LEPROTL1: variants seen among roughly 807,000 people sequenced by gnomAD.
LEPROTL1 encodes leptin receptor overlapping transcript-like 1.
A neutral mutation model predicts 15.4 loss-of-function variants in LEPROTL1; 6 were observed. The ratio of observed to expected loss-of-function variants is 0.39; its 90% CI spans 0.21 to 0.77. LEPROTL1 has a LOEUF of 0.77. Ranked by LOEUF, LEPROTL1 falls within the 30% of genes least tolerant of loss-of-function variation. The probability of loss-of-function intolerance (pLI) is 0.41; values close to 1 mark genes in which losing one functional copy is unlikely to be tolerated. For missense variants in LEPROTL1, 128 were observed against 158.1 expected, an observed-to-expected ratio of 0.81 and a Z score of 1.02; for synonymous variants, 56 against 52.6, an observed-to-expected ratio of 1.06 and a Z score of -0.28.
intron 3 of LEPROTL1, among the ~76,000 whole-genome samples, chr8:30,122,609 G>A (rs1452748129): frequency 6.6e-6 from 1 of 152,154 alleles, no homozygotes; most frequent in African/African-American, 2.4e-5. Flanking sequence ...TGGCCAACAT[G>A]GTGAAACTCC....
chr8:30,122,856 T>G (rs2117516311), intron 3 of LEPROTL1, among the ~76,000 whole-genome samples: 1 of 152,254 alleles, frequency 6.6e-6, no homozygotes, highest in Middle Eastern at 3.4e-3. Flanking sequence ...TTGGGGAGAA[T>G]GAATCTTAAC....
At chr8:30,127,061 A>G (rs1157448284) in intron 3 of LEPROTL1, among the ~76,000 whole-genome samples, 1 of 152,108 alleles carries the variant, frequency 6.6e-6, no homozygotes, top group East Asian at 1.9e-4. Flanking sequence ...AGAAAATACA[A>G]AATAATATGC....
Position 30,106,186 on chromosome 8 carries a change from T to G in LEPROTL1, c.*324T>G. On this transcript the variant is annotated 3_prime_UTR_variant, in exon 4 of 4. Coordinates refer to ENST00000321250, the MANE Select transcript of LEPROTL1 (RefSeq NM_015344.3). The stretch of plus-strand genomic sequence containing the variant: ...GGAATCAATATGCAATGTTAAACAC[T>G]TTTTTAATGTAATCATTTGCATTGG... The G allele has an allele frequency of 1.0e-6, 1 of 988,730 alleles. No individual in the cohort carries two copies. Among genetic ancestry groups the G allele is most frequent in the Non-Finnish European group, 1.2e-6 (1 of 831,778 alleles). 61.2% of individuals were successfully genotyped at this position (988,730 alleles called of 1,614,324 possible).
intron 3 of LEPROTL1, chr8:30,117,812 G>A (rs1802765853): frequency 1.5e-6 from 1 of 683,756 alleles, no homozygotes; most frequent in South Asian, 1.7e-5. Flanking sequence ...AGGAGGAGCA[G>A]TGAGACCCTG....
rs1203442951 is a variant in LEPROTL1, at chr8:30,104,773, C to T, written c.279+287C>T. 3.2e-5 allele frequency: 6 copies of T among 189,760 alleles called. No homozygotes were observed. The South Asian group carries it at 4.1e-4, about 13-fold the overall frequency. The allele number at this position is 189,760 out of a possible 1,614,324, so 11.8% of individuals were successfully genotyped here. A position where few individuals can be genotyped will look rare whatever the true frequency, so the allele number is the denominator to read the frequency against. On this transcript the variant is annotated intron_variant, in intron 3 of 3. Transcript: ENST00000321250. Reference sequence around the variant, plus strand: ...TGTCGCCCAGCCTGGAGTGCAGTGGCGTGATCTCACCTCACTGCAAGCTCT... The same window carrying T: ...TGTCGCCCAGCCTGGAGTGCAGTGGTGTGATCTCACCTCACTGCAAGCTCT...
intron 3 of LEPROTL1, among the ~76,000 whole-genome samples, chr8:30,105,441 G>A (rs919074787): frequency 6.6e-6 from 1 of 151,502 alleles, no homozygotes. Context: ...TTTTTGAATG[G>A]TCATTTCATG....
chr8:30,137,329 ACACTGACACAG>A (rs1338600379), exon 5 of LEPROTL1: 2 of 1,551,688 alleles, frequency 1.3e-6, no homozygotes, highest in Non-Finnish European at 1.7e-6. Flanking sequence ...AGGAAGAGAA[ACACTGACACAG>A]CAGCTGCCTC....
At position 30,107,867 on chromosome 8, in the gene LEPROTL1, G is replaced by A. The variant is rs757608145; in HGVS notation, c.*2005G>A. 32 of 985,018 alleles carry A rather than the reference G, an allele frequency of 3.2e-5. No individual in the cohort carries two copies. Among genetic ancestry groups the A allele is most frequent in the Admixed American group, 6.2e-5 (1 of 16,248 alleles). 61.0% of individuals were successfully genotyped at this position (985,018 alleles called of 1,614,324 possible). A position where few individuals can be genotyped will look rare whatever the true frequency, so the allele number is the denominator to read the frequency against. ...GCCACAGACTTTTTCTAACAGCTGC[G>A]TATTATTTCTATATACTAACTGCAT... On this transcript the variant is annotated 3_prime_UTR_variant, in exon 4 of 4. Coordinates refer to ENST00000321250, the MANE Select transcript of LEPROTL1 (RefSeq NM_015344.3).
In LEPROTL1 at chr8:30,105,891, G is replaced by A. The variant is rs367920230; in HGVS notation, c.*29G>A. 27 of 1,469,766 alleles carry A rather than the reference G, an allele frequency of 1.8e-5. No individual in the cohort carries two copies. Among genetic ancestry groups the A allele is most frequent in the Middle Eastern group, 1.8e-4 (1 of 5,470 alleles). 91.0% of individuals were successfully genotyped at this position (1,469,766 alleles called of 1,614,324 possible). On this transcript the variant is annotated 3_prime_UTR_variant, in exon 4 of 4. Coordinates refer to ENST00000321250, the MANE Select transcript of LEPROTL1 (RefSeq NM_015344.3). ...GAAATTACTGAACTATTGTCAAATG[G>A]ACTTCCTGTCATTTGTTGGCCATTC...
chr8:30,095,689 G>A (rs1384803158), intron 1 of LEPROTL1, 161 bp downstream of exon 1: 2 of 730,384 alleles, frequency 2.7e-6, no homozygotes, highest in Non-Finnish European at 4.5e-6. Flanking sequence ...TTGGCCCGGA[G>A]GTGGGCGCGG....
At chr8:30,124,450 G>T (rs1051941633) in intron 3 of LEPROTL1, among the ~76,000 whole-genome samples, 1 of 152,020 alleles carries the variant, frequency 6.6e-6, no homozygotes, top group African/African-American at 2.4e-5. Context: ...CTCTAACTCA[G>T]ATTATTTTAA....
rs762210637 is a variant in LEPROTL1, at chr8:30,105,902, ATTTG to A, written c.*43_*46del. Reference sequence around the variant, plus strand: ...ACTATTGTCAAATGGACTTCCTGTCATTTGTTGGCCATTCACGCACACAGGAGAT... The same window carrying A: ...ACTATTGTCAAATGGACTTCCTGTCATTGGCCATTCACGCACACAGGAGAT... On this transcript the variant is annotated 3_prime_UTR_variant, in exon 4 of 4. Transcript: ENST00000321250. 2.8e-5 allele frequency: 40 copies of A among 1,452,868 alleles called. No individual in the cohort carries two copies. The African/African-American group carries it at 5.3e-4, about 19-fold the overall frequency. The allele number at this position is 1,452,868 out of a possible 1,614,324, so 90.0% of individuals were successfully genotyped here.
At chr8:30,131,278 GTA>G (rs376348977) in intron 3 of LEPROTL1, among the ~76,000 whole-genome samples, 20 of 95,042 alleles carry the variant, frequency 2.1e-4, no homozygotes, top group East Asian at 8.6e-4. Context: ...ATATGTGTGT[GTA>G]TATATATATA....
chr8:30,106,780 A>T lies in LEPROTL1; in HGVS notation c.*918A>T, dbSNP rs2117489110. ...CATGGAACCACTACTGATGAGGGAC[A>T]GTTGTATGTTTGCATCATATATGCC... On this transcript the variant is annotated 3_prime_UTR_variant, in exon 4 of 4. Coordinates refer to ENST00000321250, the MANE Select transcript of LEPROTL1 (RefSeq NM_015344.3). 1.0e-6 allele frequency: 1 copy of T among 984,446 alleles called. No individual in the cohort carries two copies. Among genetic ancestry groups the T allele is most frequent in the South Asian group, 4.7e-5 (1 of 21,260 alleles). The allele number at this position is 984,446 out of a possible 1,614,324, so 61.0% of individuals were successfully genotyped here. A position where few individuals can be genotyped will look rare whatever the true frequency, so the allele number is the denominator to read the frequency against.
At chr8:30,119,886 T>C (rs1020075361) in intron 3 of LEPROTL1, among the ~76,000 whole-genome samples, 1 of 152,126 alleles carries the variant, frequency 6.6e-6, no homozygotes, top group Non-Finnish European at 1.5e-5. Context: ...CTGGCCAACA[T>C]GGCAAAATGC....
intron 1 of LEPROTL1, among the ~76,000 whole-genome samples, chr8:30,100,993 A>G (rs1479453250): frequency 1.3e-5 from 2 of 152,228 alleles, no homozygotes; most frequent in Admixed American, 6.5e-5. Context: ...CAGATTTTCT[A>G]ATGTAGATTA....
rs1276267834 is a variant in LEPROTL1 at position 30,106,984 on chromosome 8, G to T, written c.*1122G>T. The T allele has an allele frequency of 1.0e-6, 1 of 985,304 alleles. No homozygotes were observed. Among genetic ancestry groups the T allele is most frequent in the Non-Finnish European group, 1.2e-6 (1 of 829,712 alleles). 61.0% of individuals were successfully genotyped at this position (985,304 alleles called of 1,614,324 possible). On this transcript the variant is annotated 3_prime_UTR_variant, in exon 4 of 4. Transcript: ENST00000321250. ...TGCAAGGCCTTGCCATGATTAACAA[G>T]TAACTTGTTAGTCTTACAGATAATT...
intron 4 of LEPROTL1, chr8:30,132,924 A>G: frequency 6.7e-7 from 1 of 1,487,922 alleles, no homozygotes; most frequent in Non-Finnish European, 8.9e-7. Context: ...ATAATTTTTT[A>G]AAGAACATAA....
rs911036058 is a variant in LEPROTL1 at position 30,108,367 on chromosome 8, G to C, written c.*2505G>C. On this transcript the variant is annotated 3_prime_UTR_variant, in exon 4 of 4. Coordinates refer to ENST00000321250, the MANE Select transcript of LEPROTL1 (RefSeq NM_015344.3). ...AAGACTACTACTGATCTAAAGGCAA[G>C]GTCCTACTTCTTAAATTTTCAGAAC... 1 of 152,106 alleles carries C rather than the reference G, an allele frequency of 6.6e-6. No homozygotes were observed. Among genetic ancestry groups the C allele is most frequent in the African/African-American group, 2.4e-5 (1 of 41,398 alleles). The allele number at this position is 152,106 out of a possible 1,614,324, so 9.4% of individuals were successfully genotyped here.
Sources: gnomAD v4.1 joint callset for allele counts (sites outside exome capture counted in the v4.1 genomes callset) on GRCh38, gnomAD v4.1.1 for gene constraint, MANE v1.5 for transcripts, NCBI Gene and HGNC (gene_info 2026-07-23, HGNC 2026-07-21) for gene names.